TPH2: variants seen among roughly 807,000 people sequenced by gnomAD.
The protein encoded by TPH2 is tryptophan 5-hydroxylase 2.
Under a neutral mutation model 59.1 loss-of-function variants are expected in TPH2, and 27 were observed. The observed-to-expected ratio is 0.46, with a 90% CI of 0.34 to 0.63. The LOEUF is 0.63. Ranked by LOEUF, TPH2 falls within the 30% of genes least tolerant of loss-of-function variation. TPH2 has a pLI of 0.01. For synonymous variants in TPH2, 220 were observed against 210.5 expected (o/e 1.05, Z -0.39); for missense variants, 523 against 588.3 (o/e 0.89, Z 1.15).
At chr12:71,939,154 A>T (rs945869130) in intron 1 of TPH2, 63 bp downstream of exon 1, 23 of 1,236,086 alleles carry the variant, frequency 1.9e-5, no homozygotes, top group Admixed American at 1.3e-4. Context: ...TCTTCTCCTC[A>T]CCATATGAAT....
At chr12:72,009,887 G>T (rs1329288702) in intron 8 of TPH2, among the ~76,000 whole-genome samples, 1 of 152,180 alleles carries the variant, frequency 6.6e-6, no homozygotes, top group Non-Finnish European at 1.5e-5. Flanking sequence ...AGATAGTGTG[G>T]TATGGTAAAA....
At chr12:72,002,211 A>T (rs1158698840) in intron 8 of TPH2, among the ~76,000 whole-genome samples, 1 of 152,172 alleles carries the variant, frequency 6.6e-6, no homozygotes, top group Non-Finnish European at 1.5e-5. Flanking sequence ...AATATTAGAA[A>T]AAGATAAATG....
chr12:71,997,553 T>G (rs1434622818), intron 8 of TPH2, among the ~76,000 whole-genome samples: 2 of 152,208 alleles, frequency 1.3e-5, no homozygotes, highest in East Asian at 3.8e-4. Context: ...ACTCTTGGCC[T>G]TGGGTTGCTT....
chr12:71,981,881 A>G (rs1872287388), intron 7 of TPH2, among the ~76,000 whole-genome samples: 1 of 151,940 alleles, frequency 6.6e-6, no homozygotes, highest in Admixed American at 6.6e-5. Context: ...AGATTTGAGT[A>G]GTTATTTTTC....
In TPH2 at chr12:72,000,974, G is replaced by A. The variant is rs116519625; in HGVS notation, c.1068+6409G>A. ...TAGAAAATGTAAAGGGGCATCTTTC[G>A]TCAAACAGTACATCCCATCCTATGA... is the stretch of plus-strand genomic sequence containing the variant. On this transcript the variant is annotated intron_variant, in intron 8 of 10. Coordinates refer to ENST00000333850, the MANE Select transcript of TPH2 (RefSeq NM_173353.4). Among the ~76,000 whole-genome samples the A allele has an allele frequency of 9.6e-3, 1,466 of 152,230 alleles. 16 individuals are homozygous for A. The highest frequency in any genetic ancestry group is 0.033 in the African/African-American group (1,380 of 41,544).
At chr12:71,990,936 C>T (rs1361615493) in intron 7 of TPH2, among the ~76,000 whole-genome samples, 1 of 152,220 alleles carries the variant, frequency 6.6e-6, no homozygotes, top group Non-Finnish European at 1.5e-5. Flanking sequence ...CAACTCGCTT[C>T]AGGCTTTCAT....
In TPH2 at chr12:71,939,081, G is replaced by A. The variant is rs201958204; in HGVS notation, c.95G>A (p.Gly32Asp). The A allele has an allele frequency of 9.4e-5, 152 of 1,613,578 alleles. No individual in the cohort carries two copies. The highest frequency in any genetic ancestry group is 1.2e-4 in the Non-Finnish European group (142 of 1,179,820). Residue 32 changes from glycine to aspartate, a missense_variant, in exon 1 of 11, where the codon GGC becomes GAC. Transcript: ENST00000333850. ...SAVPEEHQLL[G>D]SSTLNKPNSG... ...GTGCCCGAAGAGCATCAGCTACTTG[G>A]CAGCTCAACAGTGAGTACTACGTAC...
At chr12:71,985,143 A>T (rs4760818) in intron 7 of TPH2, among the ~76,000 whole-genome samples, 128,877 of 152,200 alleles carry the variant, frequency 0.85, 54,675 homozygotes, top group East Asian at 0.96. Flanking sequence ...ATTCTGAGTT[A>T]ATAGATGAGG....
At chr12:71,964,811 G>T in intron 5 of TPH2, 1 of 905,864 alleles carries the variant, frequency 1.1e-6, no homozygotes, top group South Asian at 5.1e-5. Flanking sequence ...TAGGTTTAGG[G>T]GTACATGTGA....
At chr12:71,956,000 C>T (rs538763518) in intron 5 of TPH2, among the ~76,000 whole-genome samples, 1 of 152,302 alleles carries the variant, frequency 6.6e-6, no homozygotes, top group East Asian at 1.9e-4. Context: ...ATTAGGGTCT[C>T]TCATAAAGCA....
intron 8 of TPH2, among the ~76,000 whole-genome samples, chr12:72,007,304 G>A (rs1188611022): frequency 2.0e-5 from 3 of 152,104 alleles, no homozygotes; most frequent in African/African-American, 7.2e-5. Flanking sequence ...GAAAACAAAT[G>A]AAAAAATATT....
chr12:71,942,493 C>G (rs201186662), intron 2 of TPH2, among the ~76,000 whole-genome samples: 2 of 152,114 alleles, frequency 1.3e-5, no homozygotes, highest in African/African-American at 2.4e-5. Flanking sequence ...CCTAGCTCTG[C>G]GTGATGCCTT....
At chr12:71,953,451 A>T (rs557309996) in intron 5 of TPH2, among the ~76,000 whole-genome samples, 2 of 152,174 alleles carry the variant, frequency 1.3e-5, no homozygotes, top group South Asian at 4.2e-4. Context: ...ACAGATACTA[A>T]CGAATTCCAA....
At chr12:71,987,679 G>A (rs1872475132) in intron 7 of TPH2, among the ~76,000 whole-genome samples, 1 of 152,052 alleles carries the variant, frequency 6.6e-6, no homozygotes, top group Non-Finnish European at 1.5e-5. Context: ...ATAAAAACCC[G>A]TCTCTACTAA....
chr12:72,008,313 A>T (rs1343123092), intron 8 of TPH2, among the ~76,000 whole-genome samples: 1 of 152,212 alleles, frequency 6.6e-6, no homozygotes, highest in East Asian at 1.9e-4. Flanking sequence ...CCTTAGATTG[A>T]GATTCAGAAA....
At chr12:71,943,247 G>T (rs1282173148) in intron 2 of TPH2, among the ~76,000 whole-genome samples, 1 of 152,126 alleles carries the variant, frequency 6.6e-6, no homozygotes, top group Non-Finnish European at 1.5e-5. Context: ...GGTGCTGTTT[G>T]ATTTGATACT....
intron 8 of TPH2, among the ~76,000 whole-genome samples, chr12:72,004,004 A>G (rs1352250): frequency 0.51 from 76,904 of 149,898 alleles, 20,617 homozygotes; most frequent in Middle Eastern, 0.6. Flanking sequence ...TGCTGAGTTG[A>G]GTGCTGAACC....
intron 8 of TPH2, among the ~76,000 whole-genome samples, chr12:72,001,775 C>A (rs1000894114): frequency 6.6e-6 from 1 of 151,858 alleles, no homozygotes; most frequent in Non-Finnish European, 1.5e-5. Context: ...ATATCTCCTC[C>A]ATTTGAAGGT....
chr12:71,944,092 A>G (rs1451241990), intron 2 of TPH2, among the ~76,000 whole-genome samples: 1 of 152,168 alleles, frequency 6.6e-6, no homozygotes, highest in African/African-American at 2.4e-5. Context: ...GACAACCTAT[A>G]CACAGAAGTA....
Sources: gnomAD v4.1 joint callset for allele counts (sites outside exome capture counted in the v4.1 genomes callset) on GRCh38, gnomAD v4.1.1 for gene constraint, MANE v1.5 for transcripts, NCBI Gene and HGNC (gene_info 2026-07-23, HGNC 2026-07-21) for gene names.